Variants in RELA observed in about 807,000 individuals in gnomAD.
RELA encodes the protein RELA proto-oncogene, NF-kB subunit.
A neutral mutation model predicts 56.7 loss-of-function variants in RELA; 14 were observed. That is an observed-to-expected ratio of 0.25 (90% CI 0.16 to 0.39). The LOEUF (loss-of-function observed/expected upper bound fraction) is 0.39. Among genes scored for constraint, RELA ranks in the 10% least tolerant of loss-of-function variants. RELA has a pLI of 1.00. For missense variants in RELA, 559 were observed against 736.4 expected (o/e 0.76, Z 2.79); for synonymous variants, 315 against 289.7 (o/e 1.09, Z -0.89).
Position 65,662,102 on chromosome 11 carries a change from C to G in RELA, c.35-14G>C. 1.2e-6 allele frequency: 2 copies of G among 1,606,832 alleles called. No homozygotes were observed. Among genetic ancestry groups the G allele is most frequent in the Non-Finnish European group, 1.7e-6 (2 of 1,177,216 alleles). ...CCTGGGCTGGCTCTGCCAGGGGACA[C>G]CGCAGCCCCATTAGGCGGCTGCCCC... On this transcript the variant is annotated splice_polypyrimidine_tract_variant and intron_variant, in intron 2 of 10. Coordinates refer to ENST00000406246, the MANE Select transcript of RELA (RefSeq NM_021975.4).
rs1197454271 is a variant in RELA at position 65,654,144 on chromosome 11, G to A, written c.*234C>T. ...CCATCAGGACAGGGGAAAAGTTTGAGTTTCCCCAGCTCCCCCCTTTCCAGA... is the reference window on the plus strand; with the variant it reads ...CCATCAGGACAGGGGAAAAGTTTGAATTTCCCCAGCTCCCCCCTTTCCAGA... On this transcript the variant is annotated 3_prime_UTR_variant, in exon 11 of 11. Coordinates refer to ENST00000406246, the MANE Select transcript of RELA (RefSeq NM_021975.4). 1 of 601,342 alleles carries A rather than the reference G, an allele frequency of 1.7e-6. No individual in the cohort carries two copies. The highest frequency in any genetic ancestry group is 1.8e-5 in the South Asian group (1 of 56,088). The allele number at this position is 601,342 out of a possible 1,614,324, so 37.3% of individuals were successfully genotyped here.
rs4930297 is a variant in RELA at position 65,657,725 on chromosome 11, T to G, written c.877+562A>C. On this transcript the variant is annotated intron_variant, in intron 8 of 10. Transcript: ENST00000406246. ...GCCCCCGTGCTTCTCTGCGCACACC[T>G]CCATTTCACATGTCATTCCGTGACT... Among the ~76,000 whole-genome samples the G allele has an allele frequency of 2.8e-3, 427 of 152,318 alleles. 1 individual carries two copies. The highest frequency in any genetic ancestry group is 6.8e-3 in the Middle Eastern group (2 of 294).
rs761767619 is a variant in RELA, at chr11:65,661,782, G to T, written c.240C>A (p.Asp80Glu). 6 of 1,613,924 alleles carry T rather than the reference G, an allele frequency of 3.7e-6. No homozygotes were observed. The South Asian group carries it at 6.6e-5, about 18-fold the overall frequency. The change falls in exon 4 of 11, where the codon GAC becomes GAA. Residue 80 changes from aspartate to glutamate, a missense_variant. This residue lies in a region of RELA where 149 missense variants were observed against 256.0 expected (regional missense o/e 0.58). Coordinates refer to ENST00000406246, the MANE Select transcript of RELA (RefSeq NM_021975.4). The stretch of plus-strand genomic sequence containing the variant: ...CGTGGGGGTGAGGCCGGTGAGGAGG[G>T]TCCTTGGTGACCAGGGAGATGCGCA... ...GTVRISLVTK[D>E]PPHRPHPHEL... is the part of the protein sequence containing the mutation.
At position 65,659,705 on chromosome 11, in the gene RELA, G is replaced by A. The variant is rs1159602684; in HGVS notation, c.520C>T (p.Arg174Cys). Residue 174 changes from arginine (R) to cysteine (C), a missense_variant, in exon 6 of 11, where the codon CGC becomes TGC. Arg to Cys is a radical substitution (Grantham distance 180, BLOSUM62 -3). This residue lies in a region of RELA where 149 missense variants were observed against 256.0 expected (regional missense o/e 0.58). Coordinates refer to ENST00000406246, the MANE Select transcript of RELA (RefSeq NM_021975.4). The stretch of plus-strand genomic sequence containing the variant: ...GGATGAGAAAGGACAGGCGGCAGGC[G>A]GAGGGGCCTGCCTGATGGGTCCCGC... ...TVRDPSGRPLRLPPVLSHPIF... is the reference protein window; with the variant it reads ...TVRDPSGRPLCLPPVLSHPIF... The A allele has an allele frequency of 3.1e-6, 5 of 1,613,898 alleles. No homozygotes were observed. The highest frequency in any genetic ancestry group is 1.7e-5 in the Admixed American group (1 of 60,026).
chr11:65,656,565 C>T (rs1415887244), intron 8 of RELA, among the ~76,000 whole-genome samples: 1 of 152,186 alleles, frequency 6.6e-6, no homozygotes, highest in African/African-American at 2.4e-5. Context: ...CTTCTTTTCT[C>T]TCACTCCCCG....
chr11:65,655,376 T>C (rs1856396864), intron 10 of RELA: 1 of 578,950 alleles, frequency 1.7e-6, no homozygotes, highest in Non-Finnish European at 3.1e-6. Flanking sequence ...TTTTTGAGCC[T>C]CGCACAGGCA....
chr11:65,655,923 C>T lies in RELA; in HGVS notation c.890G>A (p.Arg297Gln), dbSNP rs142033286. ...TGTCCTTTTACGTTTCTCCTCAATCCGGTGACGATCGTCTGGGAAAGTAAG... is the reference window on the plus strand; with the variant it reads ...TGTCCTTTTACGTTTCTCCTCAATCTGGTGACGATCGTCTGGGAAAGTAAG... ...QYLPDTDDRH[R>Q]IEEKRKRTYE... Residue 297 changes from arginine to glutamine, a missense_variant, in exon 9 of 11, where the codon CGG becomes CAG. Around this residue, in one of 4 missense-constraint regions of RELA, gnomAD observed 365 missense variants for 387.5 expected, o/e 0.94. Coordinates refer to ENST00000406246, the MANE Select transcript of RELA (RefSeq NM_021975.4). 1.4e-5 allele frequency: 22 copies of T among 1,614,060 alleles called. No individual in the cohort carries two copies. In the African/African-American group the frequency reaches 1.7e-4, roughly 13 times the overall value.
chr11:65,659,553 C>A (rs530379447), intron 6 of RELA, 113 bp downstream of exon 6: 7 of 1,341,708 alleles, frequency 5.2e-6, no homozygotes, highest in East Asian at 2.3e-5. Context: ...TAGACAAATA[C>A]GCAAGATGAT....
chr11:65,654,368 C>T lies in RELA; in HGVS notation c.*10G>A, dbSNP rs774121933. The T allele has an allele frequency of 5.6e-6, 9 of 1,613,662 alleles. No individual in the cohort carries two copies. Among genetic ancestry groups the T allele is most frequent in the African/African-American group, 4.0e-5 (3 of 74,890 alleles). On this transcript the variant is annotated 3_prime_UTR_variant, in exon 11 of 11. Transcript: ENST00000406246. ...AACCCAGTGCTCTGGGGAGGGCAGG[C>T]GTCACCCCCTTAGGAGCTGATCTGA... is the stretch of plus-strand genomic sequence containing the variant.
At position 65,654,778 on chromosome 11, in the gene RELA, TGAG is replaced by T. The variant is rs752458701; in HGVS notation, c.1253_1255del (p.Pro418del). ...CTTGGGGGCAGGTGGGGCCACAGCC[TGAG>T]GAGGGCCTGGGGCTAGGACTGGGAC... On this transcript the variant is annotated inframe_deletion, in exon 11 of 11. Coordinates refer to ENST00000406246, the MANE Select transcript of RELA (RefSeq NM_021975.4). 7 of 1,509,706 alleles carry T rather than the reference TGAG, an allele frequency of 4.6e-6. No individual in the cohort carries two copies. The African/African-American group carries it at 6.9e-5, about 15-fold the overall frequency. The allele number at this position is 1,509,706 out of a possible 1,614,324, so 93.5% of individuals were successfully genotyped here.
At position 65,660,397 on chromosome 11, in the gene RELA, C is replaced by T. The variant is rs182787972; in HGVS notation, c.336-182G>A. 2.0e-3 allele frequency: 1,255 copies of T among 617,708 alleles called. 1 individual carries two copies. Among genetic ancestry groups the T allele is most frequent in the African/African-American group, 9.3e-3 (507 of 54,458 alleles). 38.3% of individuals were successfully genotyped at this position (617,708 alleles called of 1,614,324 possible). ...CCTTCACTCAGCTGACAAGCACCTCCGTGCCCCTGCCCCTGCCAGCCTCCC... is the reference window on the plus strand; with the variant it reads ...CCTTCACTCAGCTGACAAGCACCTCTGTGCCCCTGCCCCTGCCAGCCTCCC... On this transcript the variant is annotated intron_variant, in intron 4 of 10. Transcript: ENST00000406246.
chr11:65,655,805 C>T (rs1856410625), intron 9 of RELA, 43 bp from the exon 10 acceptor site: 1 of 1,612,158 alleles, frequency 6.2e-7, no homozygotes, highest in East Asian at 2.2e-5. Context: ...CCAGGGTGTC[C>T]CCTCCCTGCC....
intron 8 of RELA, among the ~76,000 whole-genome samples, chr11:65,656,939 T>C (rs1856445349): frequency 6.6e-6 from 1 of 151,918 alleles, no homozygotes; most frequent in African/African-American, 2.4e-5. Flanking sequence ...GCAGGGAGAA[T>C]CACTTGAACC....
chr11:65,662,545 G>C (rs527580964), intron 1 of RELA: 1 of 427,110 alleles, frequency 2.3e-6, no homozygotes, highest in Non-Finnish European at 4.1e-6. Flanking sequence ...AACGAAGCCA[G>C]AGCTGCCCCC....
intron 4 of RELA, 42 bp from the exon 5 acceptor site, chr11:65,660,257 C>A (rs767872181): frequency 1.2e-5 from 19 of 1,584,110 alleles, no homozygotes; most frequent in Admixed American, 1.7e-5. Context: ...TCTCACAGAG[C>A]CCAGACCTTC....
chr11:65,654,307 A>G lies in RELA; in HGVS notation c.*71T>C. 6.2e-7 allele frequency: 1 copy of G among 1,604,428 alleles called. No individual in the cohort carries two copies. Among genetic ancestry groups the G allele is most frequent in the Non-Finnish European group, 8.5e-7 (1 of 1,173,086 alleles). ...GGCAGTTGGAACACACCCCACCAGA[A>G]TCCGTAAGTGCTTTTGGAGGGCTTC... is the stretch of plus-strand genomic sequence containing the variant. On this transcript the variant is annotated 3_prime_UTR_variant, in exon 11 of 11. Transcript: ENST00000406246.
rs751753627 is a variant in RELA, at chr11:65,654,518, C to T, written c.1516G>A (p.Gly506Arg). The part of the protein sequence containing the change: ...YPEAITRLVT[G>R]AQRPPDPAPA... Reference sequence around the variant, plus strand: ...GCTGGGTCGGGGGGCCTCTGGGCCCCTGTCACTAGGCGAGTTATAGCCTCA... The same window carrying T: ...GCTGGGTCGGGGGGCCTCTGGGCCCTTGTCACTAGGCGAGTTATAGCCTCA... Residue 506 changes from glycine to arginine, a missense_variant, in exon 11 of 11, where the codon GGG becomes AGG. Gly to Arg is a moderately radical substitution (Grantham distance 125). Coordinates refer to ENST00000406246, the MANE Select transcript of RELA (RefSeq NM_021975.4). 3 of 1,605,734 alleles carry T rather than the reference C, an allele frequency of 1.9e-6. No individual in the cohort carries two copies. The highest frequency in any genetic ancestry group is 3.5e-5 in the Admixed American group (2 of 57,946).
chr11:65,661,487 G>A lies in RELA; in HGVS notation c.335+200C>T, dbSNP rs568626766. Reference sequence around the variant, plus strand: ...TTCAGAAGTGATTAGGGACCCATCCGTATCCCCTGGAACTCATCTGCTAGA... The same window carrying A: ...TTCAGAAGTGATTAGGGACCCATCCATATCCCCTGGAACTCATCTGCTAGA... On this transcript the variant is annotated intron_variant, in intron 4 of 10. Transcript: ENST00000406246. The A allele has an allele frequency of 4.4e-5, 22 of 504,274 alleles. 1 individual carries two copies. Among genetic ancestry groups the A allele is most frequent in the African/African-American group, 9.6e-5 (5 of 52,274 alleles). 31.2% of individuals were successfully genotyped at this position (504,274 alleles called of 1,614,324 possible). A position where few individuals can be genotyped will look rare whatever the true frequency, so the allele number is the denominator to read the frequency against.
At position 65,662,520 on chromosome 11, in the gene RELA, C is replaced by G. The variant is rs576218930; in HGVS notation, c.7+306G>C. 70 of 462,046 alleles carry G rather than the reference C, an allele frequency of 1.5e-4. No homozygotes were observed. In the South Asian group the frequency reaches 3.0e-3, roughly 20 times the overall value. 28.6% of individuals were successfully genotyped at this position (462,046 alleles called of 1,614,324 possible). On this transcript the variant is annotated intron_variant, in intron 1 of 10. Coordinates refer to ENST00000406246, the MANE Select transcript of RELA (RefSeq NM_021975.4). The stretch of plus-strand genomic sequence containing the variant: ...GAGAGGAAACTGAATCAGATGCGTT[C>G]TCCCCTAATAGGGAAACGAAGCCAG...
Sources: allele counts gnomAD v4.1 joint callset (sites outside exome capture counted in the v4.1 genomes callset), GRCh38; gene constraint gnomAD v4.1.1; regional missense constraint gnomAD v4.1.1; transcripts MANE v1.5; gene names NCBI Gene and HGNC (gene_info 2026-07-23, HGNC 2026-07-21).